The following ALG10 variants were observed in gnomAD, a reference collection of about 807,000 sequenced individuals.
The protein encoded by ALG10 is ALG10 alpha-1,2-glucosyltransferase.
Under a neutral mutation model 39.2 loss-of-function variants are expected in ALG10, and 25 were observed. The ratio of observed to expected loss-of-function variants is 0.64; its 90% CI spans 0.46 to 0.89. The LOEUF is 0.89. ALG10 is among the 40% of genes least tolerant of loss of function. ALG10 has a pLI of 0.00. For synonymous variants in ALG10, 184 were observed against 193.9 expected, an observed-to-expected ratio of 0.95 and a Z score of 0.42; for missense variants, 486 against 546.6, an observed-to-expected ratio of 0.89 and a Z score of 1.11.
Position 34,022,761 on chromosome 12 carries a change from C to T in ALG10, c.162C>T (p.Ser54=), listed in dbSNP as rs776308543. Residue 54 remains serine (S), a synonymous_variant, in exon 1 of 3, where the codon TCC becomes TCT. Coordinates refer to ENST00000266483, the MANE Select transcript of ALG10 (RefSeq NM_032834.4). ...QAQRYCEGHF[S]LSQWDPMITT... is the part of the protein sequence containing the mutation. ...AGCGCTACTGTGAGGGCCATTTCTCCCTTTCCCAGGTGGGGTCCCCAACCT... is the reference window on the plus strand; with the variant it reads ...AGCGCTACTGTGAGGGCCATTTCTCTCTTTCCCAGGTGGGGTCCCCAACCT... The T allele has an allele frequency of 1.9e-6, 3 of 1,614,174 alleles. No individual in the cohort carries two copies. In the Admixed American group the frequency reaches 5.0e-5, roughly 27 times the overall value.
Position 34,026,900 on chromosome 12 carries a change from A to G in ALG10, c.1407A>G (p.Gln469=), listed in dbSNP as rs1347921644. 1 of 1,613,548 alleles carries G rather than the reference A, an allele frequency of 6.2e-7. No homozygotes were observed. The highest frequency in any genetic ancestry group is 8.5e-7 in the Non-Finnish European group (1 of 1,179,716). ...AGTGGCCAAATAGTCAGGACATTCA[A>G]AGGTTTATGTGGTAATATCAGTGAT... The part of the protein sequence containing the change: ...TFQWPNSQDI[Q]RFMW The change falls in exon 3 of 3, where the codon CAA becomes CAG. Residue 469 remains glutamine, a synonymous_variant. Transcript: ENST00000266483.
rs776584542 is a variant in ALG10 at position 34,026,103 on chromosome 12, A to C, written c.610A>C (p.Lys204Gln). 1.2e-6 allele frequency: 2 copies of C among 1,614,084 alleles called. No homozygotes were observed. The highest frequency in any genetic ancestry group is 1.7e-6 in the Non-Finnish European group (2 of 1,179,958). The change falls in exon 3 of 3, where the codon AAG becomes CAG. Residue 204 changes from lysine (K) to glutamine (Q), a missense_variant. Transcript: ENST00000266483. ...VFCAGNVIAQ[K>Q]LTEAWKTELQ... ...CTGTGCAGGAAATGTCATTGCACAA[A>C]AGTTAACGGAGGCTTGGAAAACTGA... is the stretch of plus-strand genomic sequence containing the variant.
intron 2 of ALG10, among the ~76,000 whole-genome samples, chr12:34,024,821 A>T (rs1044135743): frequency 8.5e-5 from 13 of 152,230 alleles, no homozygotes; most frequent in Non-Finnish European, 1.5e-5. Context: ...CAGTTATGAT[A>T]GAGTGGTAAA....
At chr12:34,023,751 G>A (rs1376275510) in intron 1 of ALG10, 4 of 594,302 alleles carry the variant, frequency 6.7e-6, no homozygotes, top group African/African-American at 5.6e-5. Context: ...TTGTTTATTG[G>A]TTGCTGCTAC....
Position 34,028,228 on chromosome 12 carries a change from T to C in ALG10, c.*1313T>C, listed in dbSNP as rs1254631489. 1.3e-5 allele frequency: 2 copies of C among 152,180 alleles called. No homozygotes were observed. Among genetic ancestry groups the C allele is most frequent in the South Asian group, 2.1e-4 (1 of 4,828 alleles). 9.4% of individuals were successfully genotyped at this position (152,180 alleles called of 1,614,324 possible). On this transcript the variant is annotated 3_prime_UTR_variant, in exon 3 of 3. Coordinates refer to ENST00000266483, the MANE Select transcript of ALG10 (RefSeq NM_032834.4). ...ATCAAATTATAGTTGTATATACTTA[T>C]GAGAAACAAAGTGGCATTATGATTT...
chr12:34,022,633 G>C lies in ALG10; in HGVS notation c.34G>C (p.Ala12Pro). ...AQLEGYYFSA[A>P]LSCTFLVSCL... Reference sequence around the variant, plus strand: ...GCTGGAAGGTTACTATTTCTCGGCCGCCTTGAGCTGTACCTTTTTAGTATC... The same window carrying C: ...GCTGGAAGGTTACTATTTCTCGGCCCCCTTGAGCTGTACCTTTTTAGTATC... The change falls in exon 1 of 3, where the codon GCC (alanine) becomes CCC (proline). Residue 12 changes from alanine (A) to proline (P), a missense_variant. Transcript: ENST00000266483. 1 of 1,614,126 alleles carries C rather than the reference G, an allele frequency of 6.2e-7. No individual in the cohort carries two copies. Among genetic ancestry groups the C allele is most frequent in the African/African-American group, 1.3e-5 (1 of 75,032 alleles).
At chr12:34,022,850 C>G (rs1942792887) in intron 1 of ALG10, 80 bp downstream of exon 1, 1 of 1,593,790 alleles carries the variant, frequency 6.3e-7, no homozygotes, top group Non-Finnish European at 8.6e-7. Flanking sequence ...CCTTAGACTT[C>G]ACTCGTCCTG....
Position 34,026,294 on chromosome 12 carries a change from T to G in ALG10, c.801T>G (p.Phe267Leu), listed in dbSNP as rs755524829. The G allele has an allele frequency of 6.2e-7, 1 of 1,614,036 alleles. No individual in the cohort carries two copies. The highest frequency in any genetic ancestry group is 1.3e-5 in the African/African-American group (1 of 74,940). The change falls in exon 3 of 3, where the codon TTT becomes TTG. Residue 267 changes from phenylalanine to leucine, a missense_variant. By Grantham distance (22) the Phe-to-Leu change is conservative. Transcript: ENST00000266483. ...YILLGFLFCAFVVVNGGIVIG... is the reference protein window; with the variant it reads ...YILLGFLFCALVVVNGGIVIG... ...TTCTGGGATTTCTGTTTTGTGCTTTTGTAGTAGTTAATGGTGGAATTGTTA... is the reference window on the plus strand; with the variant it reads ...TTCTGGGATTTCTGTTTTGTGCTTTGGTAGTAGTTAATGGTGGAATTGTTA...
Position 34,022,565 on chromosome 12 carries a change from G to C in ALG10, c.-35G>C. The C allele has an allele frequency of 2.5e-6, 4 of 1,613,870 alleles. No homozygotes were observed. The highest frequency in any genetic ancestry group is 3.4e-6 in the Non-Finnish European group (4 of 1,179,888). On this transcript the variant is annotated 5_prime_UTR_variant, in exon 1 of 3. Coordinates refer to ENST00000266483, the MANE Select transcript of ALG10 (RefSeq NM_032834.4). The stretch of plus-strand genomic sequence containing the variant: ...GGTTTCCAGGCTCAGAATTTTCCAG[G>C]AGTAGGTTCTTGGGCAGTGGCTGTG...
chr12:34,024,115 T>A lies in ALG10; in HGVS notation c.325T>A (p.Tyr109Asn). The A allele has an allele frequency of 6.2e-7, 1 of 1,614,192 alleles. No homozygotes were observed. The highest frequency in any genetic ancestry group is 8.5e-7 in the Non-Finnish European group (1 of 1,180,010). Residue 109 changes from tyrosine to asparagine, a missense_variant, in exon 2 of 3, where the codon TAT becomes AAT. Transcript: ENST00000266483. ...VNLLFSVGNF[Y>N]LLYLLFCKVQ... ...TCTTCTCTTCAGTGTTGGCAACTTC[T>A]ATTTACTATATTTGCTTTTCTGCAA...
At position 34,026,294 on chromosome 12, in the gene ALG10, T is replaced by C. The variant is rs755524829; in HGVS notation, c.801T>C (p.Phe267=). The change falls in exon 3 of 3, where the codon TTT becomes TTC. Residue 267 remains phenylalanine (F), a synonymous_variant. Coordinates refer to ENST00000266483, the MANE Select transcript of ALG10 (RefSeq NM_032834.4). ...YILLGFLFCA[F]VVVNGGIVIG... Reference sequence around the variant, plus strand: ...TTCTGGGATTTCTGTTTTGTGCTTTTGTAGTAGTTAATGGTGGAATTGTTA... The same window carrying C: ...TTCTGGGATTTCTGTTTTGTGCTTTCGTAGTAGTTAATGGTGGAATTGTTA... 1 of 1,614,152 alleles carries C rather than the reference T, an allele frequency of 6.2e-7. No individual in the cohort carries two copies. The highest frequency in any genetic ancestry group is 8.5e-7 in the Non-Finnish European group (1 of 1,179,984).
Position 34,026,943 on chromosome 12 carries a change from T to G in ALG10, c.*28T>G. 6.2e-7 allele frequency: 1 copy of G among 1,605,940 alleles called. No individual in the cohort carries two copies. The highest frequency in any genetic ancestry group is 8.5e-7 in the Non-Finnish European group (1 of 1,175,486). Reference sequence around the variant, plus strand: ...TCAGTGATATTTCGAACTGTGAAAATGGACTTAATAATTAGACCATTTCTA... The same window carrying G: ...TCAGTGATATTTCGAACTGTGAAAAGGGACTTAATAATTAGACCATTTCTA... On this transcript the variant is annotated 3_prime_UTR_variant, in exon 3 of 3. Transcript: ENST00000266483.
rs1270695758 is a variant in ALG10 at position 34,026,641 on chromosome 12, G to A, written c.1148G>A (p.Ser383Asn). ...CCAGCCTATATATTTGCTGGTTGGA[G>A]TATAGCTGACTCATTGAAATCAAAG... is the stretch of plus-strand genomic sequence containing the variant. ...LVPAYIFAGW[S>N]IADSLKSKSI... Residue 383 changes from serine to asparagine, a missense_variant, in exon 3 of 3, where the codon AGT becomes AAT. Ser to Asn is a conservative substitution (Grantham distance 46). Transcript: ENST00000266483. 1.9e-6 allele frequency: 3 copies of A among 1,613,810 alleles called. No homozygotes were observed. Among genetic ancestry groups the A allele is most frequent in the Non-Finnish European group, 2.5e-6 (3 of 1,179,886 alleles).
chr12:34,022,556 A>T lies in ALG10; in HGVS notation c.-44A>T, dbSNP rs755333631. On this transcript the variant is annotated 5_prime_UTR_variant, in exon 1 of 3. Coordinates refer to ENST00000266483, the MANE Select transcript of ALG10 (RefSeq NM_032834.4). ...TCCAGCTCGGGTTTCCAGGCTCAGA[A>T]TTTTCCAGGAGTAGGTTCTTGGGCA... 3 of 1,613,408 alleles carry T rather than the reference A, an allele frequency of 1.9e-6. No homozygotes were observed. Among genetic ancestry groups the T allele is most frequent in the Non-Finnish European group, 2.5e-6 (3 of 1,179,792 alleles).
rs753290539 is a variant in ALG10, at chr12:34,026,930, C to T, written c.*15C>T. On this transcript the variant is annotated 3_prime_UTR_variant, in exon 3 of 3. Coordinates refer to ENST00000266483, the MANE Select transcript of ALG10 (RefSeq NM_032834.4). ...TTATGTGGTAATATCAGTGATATTT[C>T]GAACTGTGAAAATGGACTTAATAAT... The T allele has an allele frequency of 1.4e-4, 219 of 1,610,022 alleles. No individual in the cohort carries two copies. Among genetic ancestry groups the T allele is most frequent in the Non-Finnish European group, 1.3e-4 (152 of 1,177,814 alleles).
rs1290466509 is a variant in ALG10 at position 34,024,137 on chromosome 12, G to A, written c.347G>A (p.Cys116Tyr). Residue 116 changes from cysteine (C) to tyrosine (Y), a missense_variant, in exon 2 of 3, where the codon TGC (cysteine) becomes TAC (tyrosine). By Grantham distance (194) the Cys-to-Tyr change is radical. Coordinates refer to ENST00000266483, the MANE Select transcript of ALG10 (RefSeq NM_032834.4). ...TTCTATTTACTATATTTGCTTTTCT[G>A]CAAGGTACAACCCAGAAACAAGGTA... ...GNFYLLYLLF[C>Y]KVQPRNKAAS... 1.9e-6 allele frequency: 3 copies of A among 1,613,924 alleles called. No homozygotes were observed. Among genetic ancestry groups the A allele is most frequent in the African/African-American group, 1.3e-5 (1 of 74,884 alleles).
rs376215584 is a variant in ALG10 at position 34,024,036 on chromosome 12, C to G, written c.246C>G (p.Ile82Met). 4 of 1,614,020 alleles carry G rather than the reference C, an allele frequency of 2.5e-6. No individual in the cohort carries two copies. In the African/African-American group the frequency reaches 5.3e-5, roughly 22 times the overall value. The change falls in exon 2 of 3, where the codon ATC becomes ATG. Residue 82 changes from isoleucine (I) to methionine (M), a missense_variant. Transcript: ENST00000266483. ...GAGTGATCAAACCTGCCATTTGGAT[C>G]TTTGGATGGTCTGAACATGTTGTCT... ...SIGVIKPAIW[I>M]FGWSEHVVCS...
At chr12:34,024,304 C>T (rs1048673937) in intron 2 of ALG10, 145 bp downstream of exon 2, 32 of 926,290 alleles carry the variant, frequency 3.5e-5, no homozygotes, top group Admixed American at 1.0e-4. Context: ...AAATTTAAAT[C>T]CTCCATCTCC....
At position 34,028,078 on chromosome 12, in the gene ALG10, T is replaced by A. The variant is rs1449538505; in HGVS notation, c.*1163T>A. ...TGTTCCAAGTAAGTTTGTATTCACA[T>A]GATCTGAGTAGACATTGTCTCTTCG... On this transcript the variant is annotated 3_prime_UTR_variant, in exon 3 of 3. Coordinates refer to ENST00000266483, the MANE Select transcript of ALG10 (RefSeq NM_032834.4). 6.6e-6 allele frequency: 1 copy of A among 152,248 alleles called. No homozygotes were observed. The highest frequency in any genetic ancestry group is 2.4e-5 in the African/African-American group (1 of 41,470). 9.4% of individuals were successfully genotyped at this position (152,248 alleles called of 1,614,324 possible).
Sources: allele counts gnomAD v4.1 joint callset (sites outside exome capture counted in the v4.1 genomes callset), GRCh38; gene constraint gnomAD v4.1.1; transcripts MANE v1.5; gene names NCBI Gene and HGNC (gene_info 2026-07-23, HGNC 2026-07-21).